The following CRTAC1 variants were observed in gnomAD, a reference collection of about 807,000 sequenced individuals.
CRTAC1 encodes the protein acidic secreted protein in cartilage.
CRTAC1 carries 37 observed loss-of-function variants against 67.8 expected under a neutral mutation model. That is an observed-to-expected ratio of 0.55 (90% CI 0.42 to 0.72). The LOEUF is 0.72. Among genes scored for constraint, CRTAC1 ranks in the 30% least tolerant of loss-of-function variants. The probability of loss-of-function intolerance (pLI) is 0.00; values close to 1 mark genes in which losing one functional copy is unlikely to be tolerated. For synonymous variants in CRTAC1, 348 were observed against 371.0 expected, an observed-to-expected ratio of 0.94 and a Z score of 0.71; for missense variants, 780 against 931.6, an observed-to-expected ratio of 0.84 and a Z score of 2.12.
intron 6 of CRTAC1, 80 bp from the exon 7 acceptor site, chr10:97,904,894 C>G: frequency 7.0e-7 from 1 of 1,437,004 alleles, no homozygotes; most frequent in East Asian, 2.6e-5. Context: ...AGCTCTGTGA[C>G]AAGCAACTAG....
intron 6 of CRTAC1, among the ~76,000 whole-genome samples, chr10:97,906,920 A>G (rs1451488201): frequency 6.6e-6 from 1 of 152,350 alleles, no homozygotes; most frequent in East Asian, 1.9e-4. Context: ...CAGAGCTTGC[A>G]GGACCCTTGA....
chr10:98,029,511 C>T lies in CRTAC1; in HGVS notation c.24+938G>A, dbSNP rs1168831965. Among the ~76,000 whole-genome samples, 1 of 148,020 alleles carries T rather than the reference C, an allele frequency of 6.8e-6. No homozygotes were observed. Among genetic ancestry groups the T allele is most frequent in the Non-Finnish European group, 1.5e-5 (1 of 67,726 alleles). ...GCAGCAGCGGCGGCGGCGGCGGCGG[C>T]GGCGGCGGCGGCGGCGGCAGCAGCA... On this transcript the variant is annotated intron_variant, in intron 1 of 14. Coordinates refer to ENST00000370597, the MANE Select transcript of CRTAC1 (RefSeq NM_018058.7). The surrounding 1 kb of genome is among the most constrained non-coding windows in gnomAD (Gnocchi z 4.7).
chr10:97,931,177 T>C (rs1388086780), intron 3 of CRTAC1, among the ~76,000 whole-genome samples: 1 of 152,210 alleles, frequency 6.6e-6, no homozygotes, highest in Non-Finnish European at 1.5e-5. Flanking sequence ...TAGCAAATAC[T>C]GTAAAAATAG....
intron 2 of CRTAC1, among the ~76,000 whole-genome samples, chr10:98,004,467 G>A (rs567213523): frequency 3.9e-5 from 6 of 152,254 alleles, no homozygotes; most frequent in African/African-American, 1.4e-4. Flanking sequence ...TTATTTCTAG[G>A]CTATGAGTAA....
At chr10:97,964,452 T>G (rs2051581943) in intron 2 of CRTAC1, among the ~76,000 whole-genome samples, 1 of 152,238 alleles carries the variant, frequency 6.6e-6, no homozygotes, top group Admixed American at 6.5e-5. Flanking sequence ...AATGAGCCCT[T>G]TTCTCTTAAA....
At chr10:97,888,532 TG>T (rs1216568302) in intron 11 of CRTAC1, among the ~76,000 whole-genome samples, 2 of 151,026 alleles carry the variant, frequency 1.3e-5, no homozygotes, top group Non-Finnish European at 2.9e-5. Flanking sequence ...ACTTACGAGG[TG>T]GGTATTTATC....
At chr10:97,931,524 T>C (rs1022393050) in intron 3 of CRTAC1, among the ~76,000 whole-genome samples, 2 of 152,220 alleles carry the variant, frequency 1.3e-5, no homozygotes, top group African/African-American at 4.8e-5. Context: ...GCTCTCTGTG[T>C]ACTGCCATGA....
Position 98,029,538 on chromosome 10 carries a change from C to T in CRTAC1, c.24+911G>A, listed in dbSNP as rs1233379567. 6.6e-6 allele frequency among the ~76,000 whole-genome samples: 1 copy of T among 151,310 alleles called. No homozygotes were observed. The highest frequency in any genetic ancestry group is 1.5e-5 in the Non-Finnish European group (1 of 67,858). ...GCGGCGGCGGCGGCGGCAGCAGCAG[C>T]AATATTCATTAGTCATTCCTGGAGG... is the stretch of plus-strand genomic sequence containing the variant. On this transcript the variant is annotated intron_variant, in intron 1 of 14. Transcript: ENST00000370597. The surrounding 1 kb of genome is among the most constrained non-coding windows in gnomAD (Gnocchi z 4.7).
At chr10:97,996,016 C>G (rs1842559146) in intron 2 of CRTAC1, among the ~76,000 whole-genome samples, 1 of 152,148 alleles carries the variant, frequency 6.6e-6, no homozygotes, top group South Asian at 2.1e-4. Flanking sequence ...AAAAATTAGC[C>G]AGGTGTTAGC....
At chr10:97,996,296 A>C (rs1344949925) in intron 2 of CRTAC1, among the ~76,000 whole-genome samples, 1 of 150,972 alleles carries the variant, frequency 6.6e-6, no homozygotes, top group African/African-American at 2.4e-5. Flanking sequence ...GTGAACAGGC[A>C]ACCTACAAAA....
chr10:97,980,304 T>C (rs2051871519), intron 2 of CRTAC1, among the ~76,000 whole-genome samples: 1 of 152,208 alleles, frequency 6.6e-6, no homozygotes, highest in Non-Finnish European at 1.5e-5. Context: ...CACTTGCTTT[T>C]ATTTTAGTTT....
At chr10:97,897,700 G>A (rs190637604) in intron 8 of CRTAC1, among the ~76,000 whole-genome samples, 157 of 152,332 alleles carry the variant, frequency 1.0e-3, no homozygotes, top group African/African-American at 3.5e-3. Context: ...TTTCAGAAAC[G>A]TCTGCTAGAA....
At chr10:97,979,919 A>G (rs902001457) in intron 2 of CRTAC1, among the ~76,000 whole-genome samples, 2 of 152,148 alleles carry the variant, frequency 1.3e-5, no homozygotes, top group African/African-American at 4.8e-5. Flanking sequence ...AAAACTACCA[A>G]TTCCCAGGTT....
chr10:97,955,732 TG>T (rs1380402245), intron 2 of CRTAC1, among the ~76,000 whole-genome samples: 1 of 152,198 alleles, frequency 6.6e-6, no homozygotes, highest in East Asian at 1.9e-4. Flanking sequence ...CCCAGGATGA[TG>T]ACATGTTCTT....
At chr10:97,989,126 T>A (rs750284782) in intron 2 of CRTAC1, among the ~76,000 whole-genome samples, 2 of 152,220 alleles carry the variant, frequency 1.3e-5, no homozygotes, top group Non-Finnish European at 2.9e-5. Flanking sequence ...TTGGCTCCCC[T>A]GGTTCTCAGG....
In CRTAC1 at chr10:97,990,514, T is replaced by C. The variant is rs369425849; in HGVS notation, c.224+20624A>G. ...TTTCCAACCCCATTTTGTTTTATCA[T>C]TCCATTTCCTATTAGCGTCTTTTAG... On this transcript the variant is annotated intron_variant, in intron 2 of 14. Transcript: ENST00000370597. Among the ~76,000 whole-genome samples, 5 of 152,256 alleles carry C rather than the reference T, an allele frequency of 3.3e-5. No individual in the cohort carries two copies. The East Asian group carries it at 7.7e-4, about 23-fold the overall frequency.
At position 97,935,104 on chromosome 10, in the gene CRTAC1, G is replaced by A. The variant is rs148046099; in HGVS notation, c.421+1066C>T. Among the ~76,000 whole-genome samples the A allele has an allele frequency of 2.6e-5, 4 of 152,302 alleles. No individual in the cohort carries two copies. The East Asian group carries it at 7.7e-4, about 29-fold the overall frequency. ...CAGTGAGGACATAGGGTTGAGGAAA[G>A]CCGTAGAGCATCTTGATTAAGAGGA... On this transcript the variant is annotated intron_variant, in intron 3 of 14. Transcript: ENST00000370597.
At chr10:97,890,711 A>G (rs2050358281) in intron 11 of CRTAC1, among the ~76,000 whole-genome samples, 1 of 139,550 alleles carries the variant, frequency 7.2e-6, no homozygotes, top group African/African-American at 2.7e-5. Context: ...TTTGTTGCCT[A>G]GGCTGGAGTG....
At chr10:98,009,753 T>TA (rs558442955) in intron 2 of CRTAC1, among the ~76,000 whole-genome samples, 83 of 152,316 alleles carry the variant, frequency 5.4e-4, no homozygotes, top group Admixed American at 7.2e-4. Context: ...CAGGCCCCTG[T>TA]AGTGTTTTTA....
Sources: gnomAD v4.1 joint callset for allele counts (sites outside exome capture counted in the v4.1 genomes callset) on GRCh38, gnomAD v4.1.1 for gene constraint, Gnocchi (gnomAD v3.1) non-coding constraint, MANE v1.5 for transcripts, NCBI Gene and HGNC (gene_info 2026-07-23, HGNC 2026-07-21) for gene names.